The following SIPA1L2 variants were observed in gnomAD, a reference collection of about 807,000 sequenced individuals.
SIPA1L2 encodes signal-induced proliferation-associated 1-like protein 2.
A neutral mutation model predicts 163.9 loss-of-function variants in SIPA1L2; 56 were observed. That is an observed-to-expected ratio of 0.34 (90% CI 0.28 to 0.43). The LOEUF (loss-of-function observed/expected upper bound fraction) is 0.43, where lower values mean the gene tolerates loss of function less well. Among genes scored for constraint, SIPA1L2 ranks in the 20% least tolerant of loss-of-function variants. The pLI is 1.00. For synonymous variants in SIPA1L2, 877 were observed against 865.7 expected (o/e 1.01, Z -0.23); for missense variants, 1,974 against 2,193.5 (o/e 0.90, Z 2.00).
At chr1:232,570,239 G>A (rs1441436428) in intron 2 of SIPA1L2, among the ~76,000 whole-genome samples, 1 of 152,184 alleles carries the variant, frequency 6.6e-6, no homozygotes, top group Non-Finnish European at 1.5e-5. Flanking sequence ...CACAGAACAA[G>A]TCTCCCTAAT....
chr1:232,566,259 T>C (rs577972481), intron 2 of SIPA1L2, among the ~76,000 whole-genome samples: 3 of 152,330 alleles, frequency 2.0e-5, no homozygotes, highest in Non-Finnish European at 2.9e-5. Context: ...AGTGCTTTCA[T>C]TGAGGAAAAA....
rs115933778 is a variant in SIPA1L2, at chr1:232,589,240, G to A, written c.-318-15018C>T. Among the ~76,000 whole-genome samples the A allele has an allele frequency of 9.4e-3, 1,424 of 152,134 alleles. 31 individuals carry two copies. The highest frequency in any genetic ancestry group is 0.033 in the African/African-American group (1,352 of 41,474). ...CGTATTCACTGAGGTTTCTCTTTAG[G>A]GTCAGACAATGATTAAACTATTTAA... On this transcript the variant is annotated intron_variant, in intron 1 of 22. Transcript: ENST00000674635.
intron 15 of SIPA1L2, among the ~76,000 whole-genome samples, chr1:232,434,072 C>T (rs566212924): frequency 5.3e-5 from 8 of 152,266 alleles, no homozygotes; most frequent in Non-Finnish European, 8.8e-5. Flanking sequence ...GGATTATTCA[C>T]GAGTAGGAGT....
At chr1:232,410,698 T>C (rs747954797) in intron 19 of SIPA1L2, among the ~76,000 whole-genome samples, 6 of 152,162 alleles carry the variant, frequency 3.9e-5, no homozygotes, top group Non-Finnish European at 8.8e-5. Context: ...CCTTTGACCG[T>C]TTCTTATGCT....
chr1:232,528,751 T>C (rs910052980), intron 2 of SIPA1L2, among the ~76,000 whole-genome samples: 1 of 152,158 alleles, frequency 6.6e-6, no homozygotes, highest in African/African-American at 2.4e-5. Flanking sequence ...CAAGGAAACC[T>C]CAAATGTTTG....
At chr1:232,432,959 G>A (rs1355878576) in intron 15 of SIPA1L2, among the ~76,000 whole-genome samples, 3 of 152,098 alleles carry the variant, frequency 2.0e-5, no homozygotes, top group Non-Finnish European at 4.4e-5. Context: ...CCTACTGCTG[G>A]TGGGAGTAAA....
chr1:232,443,796 G>A, intron 11 of SIPA1L2, 111 bp from the exon 12 acceptor site: 3 of 808,378 alleles, frequency 3.7e-6, no homozygotes, highest in Non-Finnish European at 5.6e-6. Context: ...CAAAGAAAAG[G>A]AAGAAAAACA....
rs368000830 is a variant in SIPA1L2 at position 232,515,222 on chromosome 1, C to T, written c.118G>A (p.Ala40Thr). 1.9e-6 allele frequency: 3 copies of T among 1,614,150 alleles called. No homozygotes were observed. In the Admixed American group the frequency reaches 5.0e-5, roughly 27 times the overall value. Residue 40 changes from alanine to threonine, a missense_variant, in exon 3 of 23, where the codon GCC becomes ACC. Transcript: ENST00000674635. The part of the protein sequence containing the change: ...SDDYFARKFK[A>T]INGNMGPTTS... The stretch of plus-strand genomic sequence containing the variant: ...GTGGGTCCCATGTTGCCATTAATGG[C>T]TTTAAATTTCCGAGCAAAATAATCA...
intron 19 of SIPA1L2, among the ~76,000 whole-genome samples, chr1:232,407,168 T>C (rs1213514870): frequency 6.6e-6 from 1 of 152,268 alleles, no homozygotes; most frequent in African/African-American, 2.4e-5. Flanking sequence ...AACTATTGCA[T>C]TGGCCTGAAA....
In SIPA1L2 at chr1:232,514,886, C is replaced by T; in HGVS notation, c.454G>A (p.Gly152Arg). ...GDIFVHSPQR[G>R]LHPIRQRSNS... is the part of the protein sequence containing the mutation. ...CTCCTCTGTCTTATGGGGTGAAGTC[C>T]TCTTTGGGGGGAATGGACAAAGATG... The change falls in exon 3 of 23, where the codon GGA (glycine) becomes AGA (arginine). Residue 152 changes from glycine to arginine, a missense_variant. This residue lies in a region of SIPA1L2 where 607 missense variants were observed against 624.0 expected (regional missense o/e 0.97). Coordinates refer to ENST00000674635, the MANE Select transcript of SIPA1L2 (RefSeq NM_020808.5). 2.5e-6 allele frequency: 4 copies of T among 1,614,150 alleles called. No individual in the cohort carries two copies. Among genetic ancestry groups the T allele is most frequent in the Non-Finnish European group, 3.4e-6 (4 of 1,180,020 alleles).
chr1:232,516,790 G>A (rs1390825236), intron 2 of SIPA1L2, among the ~76,000 whole-genome samples: 6 of 152,130 alleles, frequency 3.9e-5, no homozygotes, highest in Admixed American at 1.3e-4. Context: ...TTTTCAAACC[G>A]AATTACAGTT....
chr1:232,593,573 C>T (rs192939856), intron 1 of SIPA1L2, among the ~76,000 whole-genome samples: 8 of 152,180 alleles, frequency 5.3e-5, no homozygotes, highest in East Asian at 3.9e-4. Context: ...TTTCATAAAA[C>T]GATTTGTTAT....
intron 3 of SIPA1L2, among the ~76,000 whole-genome samples, chr1:232,502,481 A>G (rs527941305): frequency 6.6e-6 from 1 of 152,272 alleles, no homozygotes; most frequent in South Asian, 2.1e-4. Context: ...TACTTCACTG[A>G]GTAATTTCTA....
chr1:232,399,045 A>G lies in SIPA1L2; in HGVS notation c.*82T>C. 6.3e-7 allele frequency: 1 copy of G among 1,583,114 alleles called. No homozygotes were observed. The highest frequency in any genetic ancestry group is 8.6e-7 in the Non-Finnish European group (1 of 1,159,654). On this transcript the variant is annotated 3_prime_UTR_variant, in exon 23 of 23. Coordinates refer to ENST00000674635, the MANE Select transcript of SIPA1L2 (RefSeq NM_020808.5). The stretch of plus-strand genomic sequence containing the variant: ...GCAAAAACATCTACGATTGGTTGAA[A>G]GCACACAGAAAAACCACATGTTTGT...
chr1:232,521,087 C>T (rs1419100491), intron 2 of SIPA1L2, among the ~76,000 whole-genome samples: 1 of 152,152 alleles, frequency 6.6e-6, no homozygotes, highest in Admixed American at 6.5e-5. Context: ...AGTTCTTAAA[C>T]ATTTATCTTG....
At chr1:232,484,940 A>G (rs867071299) in intron 5 of SIPA1L2, among the ~76,000 whole-genome samples, 1 of 152,208 alleles carries the variant, frequency 6.6e-6, no homozygotes, top group African/African-American at 2.4e-5. Context: ...ATTCATAGCT[A>G]TCTTAGTAAA....
chr1:232,472,823 A>G (rs1272135966), intron 7 of SIPA1L2, among the ~76,000 whole-genome samples: 1 of 152,248 alleles, frequency 6.6e-6, no homozygotes. Context: ...TCAGATACAA[A>G]AAGGATTTCA....
At chr1:232,521,655 C>T (rs949953678) in intron 2 of SIPA1L2, among the ~76,000 whole-genome samples, 2 of 152,090 alleles carry the variant, frequency 1.3e-5, no homozygotes, top group Non-Finnish European at 2.9e-5. Context: ...GACTGCAGAC[C>T]AAAGTATCCC....
chr1:232,596,786 G>A (rs758971075), intron 1 of SIPA1L2, among the ~76,000 whole-genome samples: 5 of 152,136 alleles, frequency 3.3e-5, no homozygotes, highest in East Asian at 1.9e-4. Flanking sequence ...CTTCTTCCCC[G>A]CTTCGCCTGT....
Sources: allele counts gnomAD v4.1 joint callset (sites outside exome capture counted in the v4.1 genomes callset), GRCh38; gene constraint gnomAD v4.1.1; regional missense constraint gnomAD v4.1.1; transcripts MANE v1.5; gene names NCBI Gene and HGNC (gene_info 2026-07-23, HGNC 2026-07-21).